Variants in GPRIN3 observed in about 807,000 individuals in gnomAD.
The protein encoded by GPRIN3 is G protein-regulated inducer of neurite outgrowth 3.
A neutral mutation model predicts 13.7 loss-of-function variants in GPRIN3; 12 were observed. That is an observed-to-expected ratio of 0.87 (90% CI 0.56 to 1.42). The LOEUF (loss-of-function observed/expected upper bound fraction) is 1.42. GPRIN3 is among the 40% of genes most tolerant of loss of function. The pLI is 0.00. For missense variants in GPRIN3, 1,009 were observed against 958.7 expected, an observed-to-expected ratio of 1.05 and a Z score of -0.69; for synonymous variants, 377 against 372.7, an observed-to-expected ratio of 1.01 and a Z score of -0.13.
chr4:89,269,356 TGG>T (rs1723865760), intron 1 of GPRIN3, among the ~76,000 whole-genome samples: 1 of 152,140 alleles, frequency 6.6e-6, no homozygotes, highest in Non-Finnish European at 1.5e-5. Flanking sequence ...CAAATCACCA[TGG>T]TAGTATATTA....
intron 1 of GPRIN3, among the ~76,000 whole-genome samples, chr4:89,288,170 T>G (rs1456944482): frequency 6.6e-6 from 1 of 152,204 alleles, no homozygotes; most frequent in Non-Finnish European, 1.5e-5. Flanking sequence ...TTTCTCTCTG[T>G]GACTTCTTAA....
At position 89,247,731 on chromosome 4, in the gene GPRIN3, G is replaced by A. The variant is rs13115988; in HGVS notation, c.*49C>T. 0.37 allele frequency: 555,673 copies of A among 1,516,038 alleles called. 107,174 individuals carry two copies. Among genetic ancestry groups the A allele is most frequent in the East Asian group, 0.64 (27,974 of 43,986 alleles). 93.9% of individuals were successfully genotyped at this position (1,516,038 alleles called of 1,614,324 possible). ...TAAGCAAGCTTTGACATAGAGGGAC[G>A]CATGTGAATACCGTAAATTTATACA... On this transcript the variant is annotated 3_prime_UTR_variant, in exon 2 of 2. Coordinates refer to ENST00000609438, the MANE Select transcript of GPRIN3 (RefSeq NM_198281.3).
At position 89,248,202 on chromosome 4, in the gene GPRIN3, G is replaced by A. The variant is rs141175652; in HGVS notation, c.1909C>T (p.Arg637Cys). The change falls in exon 2 of 2, where the codon CGC becomes TGC. Residue 637 changes from arginine to cysteine, a missense_variant. Arg to Cys is a radical substitution (Grantham distance 180). Transcript: ENST00000609438. ...SVKASPRRPS[R>C]VSEFLKEQKL... ...TGCTCCTTGAGGAACTCGCTGACGCGGCTGGGCCTGCGTGGGCTGGCTTTG... is the reference window on the plus strand; with the variant it reads ...TGCTCCTTGAGGAACTCGCTGACGCAGCTGGGCCTGCGTGGGCTGGCTTTG... 2.9e-5 allele frequency: 47 copies of A among 1,614,062 alleles called. No homozygotes were observed. The highest frequency in any genetic ancestry group is 1.1e-4 in the East Asian group (5 of 44,892).
intron 1 of GPRIN3, among the ~76,000 whole-genome samples, chr4:89,300,515 C>G (rs1461777378): frequency 6.6e-6 from 1 of 152,146 alleles, no homozygotes; most frequent in East Asian, 1.9e-4. Context: ...AGTTTTCCTG[C>G]TAGGCCCACA....
At chr4:89,276,670 A>G (rs1363654651) in intron 1 of GPRIN3, among the ~76,000 whole-genome samples, 1 of 152,252 alleles carries the variant, frequency 6.6e-6, no homozygotes, top group Non-Finnish European at 1.5e-5. Context: ...GGAAGAAGCT[A>G]GAGACTATTA....
chr4:89,258,137 A>G (rs1014426987), intron 1 of GPRIN3, among the ~76,000 whole-genome samples: 1 of 151,796 alleles, frequency 6.6e-6, no homozygotes, highest in Non-Finnish European at 1.5e-5. Context: ...CAGAGTATCA[A>G]AAGAAAAGCA....
chr4:89,253,480 A>G (rs969420915), intron 1 of GPRIN3, among the ~76,000 whole-genome samples: 3 of 152,204 alleles, frequency 2.0e-5, no homozygotes, highest in Admixed American at 2.0e-4. Flanking sequence ...AAAGCCAGGA[A>G]CACAGAATAT....
chr4:89,300,996 G>A (rs557226370), intron 1 of GPRIN3, among the ~76,000 whole-genome samples: 1 of 152,102 alleles, frequency 6.6e-6, no homozygotes, highest in Non-Finnish European at 1.5e-5. Context: ...AAAATTCAAA[G>A]AAAGGCATGC....
chr4:89,277,401 G>A (rs376149689), intron 1 of GPRIN3, among the ~76,000 whole-genome samples: 239 of 152,326 alleles, frequency 1.6e-3, no homozygotes, highest in African/African-American at 5.4e-3. Flanking sequence ...CCCAAGGAAA[G>A]CAGGACTGAA....
chr4:89,273,842 G>A (rs1724024608), intron 1 of GPRIN3, among the ~76,000 whole-genome samples: 1 of 152,186 alleles, frequency 6.6e-6, no homozygotes, highest in Non-Finnish European at 1.5e-5. Flanking sequence ...AATATGTTAT[G>A]GTACGTGTCC....
chr4:89,283,009 T>C (rs1038871198), intron 1 of GPRIN3, among the ~76,000 whole-genome samples: 5 of 152,220 alleles, frequency 3.3e-5, no homozygotes, highest in African/African-American at 1.2e-4. Context: ...AAGAACACTA[T>C]GCACATACGT....
intron 1 of GPRIN3, among the ~76,000 whole-genome samples, chr4:89,273,275 T>C (rs184130642): frequency 4.6e-5 from 7 of 152,322 alleles, no homozygotes; most frequent in Admixed American, 1.3e-4. Context: ...CATTAATTGA[T>C]ATAGAATTTC....
In GPRIN3 at chr4:89,249,434, G is replaced by T; in HGVS notation, c.677C>A (p.Ala226Asp). ...VGGPEGERQG[A>D]ICDSEMRSCK... ...GGACCTCATTTCAGAGTCACAGATG[G>T]CTCCCTGCCTTTCCCCTTCAGGTCC... The change falls in exon 2 of 2, where the codon GCC becomes GAC. Residue 226 changes from alanine (A) to aspartate (D), a missense_variant. Physicochemically the swap from Ala to Asp is moderately radical, Grantham distance 126. Transcript: ENST00000609438. The T allele has an allele frequency of 6.2e-7, 1 of 1,614,068 alleles. No homozygotes were observed. The highest frequency in any genetic ancestry group is 8.5e-7 in the Non-Finnish European group (1 of 1,179,994).
chr4:89,278,176 T>C (rs1360528786), intron 1 of GPRIN3, among the ~76,000 whole-genome samples: 3 of 152,180 alleles, frequency 2.0e-5, no homozygotes, highest in Non-Finnish European at 4.4e-5. Flanking sequence ...AGATTTCCAG[T>C]TCACTGTATT....
At position 89,298,159 on chromosome 4, in the gene GPRIN3, A is replaced by C. The variant is rs111361014; in HGVS notation, c.-124+9456T>G. 3.0e-3 allele frequency among the ~76,000 whole-genome samples: 456 copies of C among 152,264 alleles called. 20 individuals carry two copies. In the South Asian group the frequency reaches 0.078, roughly 26 times the overall value. On this transcript the variant is annotated intron_variant, in intron 1 of 1. Coordinates refer to ENST00000609438, the MANE Select transcript of GPRIN3 (RefSeq NM_198281.3). Reference sequence around the variant, plus strand: ...GAAAGAAATTTCTCGTAGTACACATACCAGCAGACTCTTGTAAGAATTCTA... The same window carrying C: ...GAAAGAAATTTCTCGTAGTACACATCCCAGCAGACTCTTGTAAGAATTCTA...
intron 1 of GPRIN3, among the ~76,000 whole-genome samples, chr4:89,268,037 A>G (rs1723830402): frequency 6.6e-6 from 1 of 152,248 alleles, no homozygotes; most frequent in Non-Finnish European, 1.5e-5. Flanking sequence ...GGGAGACAAC[A>G]AACAGATTGA....
In GPRIN3 at chr4:89,306,705, G is replaced by A. The variant is rs182080171; in HGVS notation, c.-124+910C>T. Among the ~76,000 whole-genome samples the A allele has an allele frequency of 2.1e-3, 312 of 151,980 alleles. 2 individuals carry two copies. The highest frequency in any genetic ancestry group is 2.8e-3 in the Non-Finnish European group (187 of 67,972). On this transcript the variant is annotated intron_variant, in intron 1 of 1. Coordinates refer to ENST00000609438, the MANE Select transcript of GPRIN3 (RefSeq NM_198281.3). ...GCCCTTGCCTTTTGCCCACCTCCTC[G>A]GCTGCTTTGTGGACATTCACATCGT...
intron 1 of GPRIN3, among the ~76,000 whole-genome samples, chr4:89,288,318 CA>C: frequency 6.6e-6 from 1 of 152,306 alleles, no homozygotes; most frequent in East Asian, 1.9e-4. Context: ...CAGTATGACA[CA>C]AATAGATTTG....
chr4:89,269,480 G>T (rs1023542794), intron 1 of GPRIN3, among the ~76,000 whole-genome samples: 2 of 151,968 alleles, frequency 1.3e-5, no homozygotes, highest in Admixed American at 1.3e-4. Context: ...CCTCCAAAAG[G>T]CTAGTGTATT....
Sources: gnomAD v4.1 joint callset for allele counts (sites outside exome capture counted in the v4.1 genomes callset) on GRCh38, gnomAD v4.1.1 for gene constraint, MANE v1.5 for transcripts, NCBI Gene and HGNC (gene_info 2026-07-23, HGNC 2026-07-21) for gene names.